Variants in KIF18A observed in about 807,000 individuals in gnomAD.
The protein encoded by KIF18A is kinesin family member 18A, also known as kinesin-like protein KIF18A.
A neutral mutation model predicts 103.3 loss-of-function variants in KIF18A; 67 were observed. The ratio of observed to expected loss-of-function variants is 0.65; its 90% CI spans 0.53 to 0.79. The LOEUF is 0.79. Among genes scored for constraint, KIF18A ranks in the 30% least tolerant of loss-of-function variants. The pLI is 0.00. For missense variants in KIF18A, 1,032 were observed against 1,062.5 expected, an observed-to-expected ratio of 0.97 and a Z score of 0.40; for synonymous variants, 367 against 355.5, an observed-to-expected ratio of 1.03 and a Z score of -0.36.
chr11:28,031,358 AAG>A (rs1850403979), intron 15 of KIF18A, among the ~76,000 whole-genome samples: 2 of 152,288 alleles, frequency 1.3e-5, no homozygotes, highest in Non-Finnish European at 1.5e-5. Context: ...AGCCATAAAA[AAG>A]GATGAGTTCA....
At position 28,084,750 on chromosome 11, in the gene KIF18A, G is replaced by C; in HGVS notation, c.956C>G (p.Ser319Cys). The change falls in exon 7 of 17, where the codon TCT becomes TGT. Residue 319 changes from serine to cysteine, a missense_variant. Transcript: ENST00000263181. ...TATAGTTTGACAGTTTCCTCCAAGA[G>C]AATCCTTTAACAAGCGAGTAAGCTT... Reference protein sequence around the residue: ...NSKLTRLLKDSLGGNCQTIMI... With the variant: ...NSKLTRLLKDCLGGNCQTIMI... The C allele has an allele frequency of 6.2e-7, 1 of 1,613,002 alleles. No homozygotes were observed.
intron 10 of KIF18A, among the ~76,000 whole-genome samples, chr11:28,073,338 A>G (rs972359182): frequency 3.3e-5 from 5 of 152,056 alleles, no homozygotes; most frequent in African/African-American, 1.2e-4. Context: ...TTGTTGGACA[A>G]TATGTATAGA....
intron 16 of KIF18A, 31 bp from the exon 17 acceptor site, chr11:28,021,313 T>C: frequency 7.5e-7 from 1 of 1,342,162 alleles, no homozygotes; most frequent in Non-Finnish European, 9.7e-7. Context: ...TGCATAAATA[T>C]GGCATAAATA....
At chr11:28,021,775 A>G (rs1850249008) in intron 16 of KIF18A, among the ~76,000 whole-genome samples, 1 of 152,088 alleles carries the variant, frequency 6.6e-6, no homozygotes, top group Admixed American at 6.5e-5. Context: ...CCTCTCAAGT[A>G]TGTTCTATTT....
chr11:28,021,482 T>G (rs1247878153), intron 16 of KIF18A, among the ~76,000 whole-genome samples, 200 bp from the exon 17 acceptor site: 2 of 152,212 alleles, frequency 1.3e-5, no homozygotes, highest in African/African-American at 4.8e-5. Context: ...AAATTCATAT[T>G]GCAAACTAAA....
chr11:28,082,077 G>C (rs997417310), intron 9 of KIF18A, among the ~76,000 whole-genome samples: 8 of 152,094 alleles, frequency 5.3e-5, no homozygotes, highest in Admixed American at 2.6e-4. Flanking sequence ...TTGAAGAAAT[G>C]AAGAGCTGCT....
intron 9 of KIF18A, 88 bp downstream of exon 9, chr11:28,082,768 G>T (rs1016366615): frequency 5.4e-6 from 4 of 738,610 alleles, no homozygotes; most frequent in African/African-American, 5.4e-5. Context: ...ACATATAAAA[G>T]ACATAACAAA....
intron 15 of KIF18A, among the ~76,000 whole-genome samples, chr11:28,026,366 CCA>C (rs1850321048): frequency 6.6e-6 from 1 of 151,434 alleles, no homozygotes; most frequent in South Asian, 2.1e-4. Flanking sequence ...ATGGAAAATA[CCA>C]CAGTTTATTA....
chr11:28,028,544 T>C (rs879612820), intron 15 of KIF18A, among the ~76,000 whole-genome samples: 3 of 151,402 alleles, frequency 2.0e-5, no homozygotes, highest in Admixed American at 1.3e-4. Context: ...TAGAGGGAAA[T>C]TTATAGCAGT....
intron 6 of KIF18A, among the ~76,000 whole-genome samples, chr11:28,087,499 T>G (rs1459876473): frequency 1.3e-5 from 2 of 152,222 alleles, no homozygotes; most frequent in Non-Finnish European, 2.9e-5. Flanking sequence ...GATGGGCATT[T>G]GGGTTGGTTT....
chr11:28,051,465 G>GA (rs1193969611), intron 13 of KIF18A, among the ~76,000 whole-genome samples: 1 of 151,750 alleles, frequency 6.6e-6, no homozygotes, highest in East Asian at 1.9e-4. Context: ...AGTCTCCTTG[G>GA]AAAAAATAAA....
intron 11 of KIF18A, among the ~76,000 whole-genome samples, chr11:28,068,712 T>A (rs1850970087): frequency 6.6e-6 from 1 of 152,120 alleles, no homozygotes; most frequent in Admixed American, 6.6e-5. Flanking sequence ...ATAATGACAT[T>A]TTAAAGGTAC....
chr11:28,079,763 A>G (rs944659557), intron 9 of KIF18A, among the ~76,000 whole-genome samples: 1 of 63,870 alleles, frequency 1.6e-5, no homozygotes, highest in African/African-American at 6.2e-5. Context: ...TTCCTTATGG[A>G]GTAATTTCCA....
chr11:28,078,398 T>G (rs1851122615), intron 9 of KIF18A, among the ~76,000 whole-genome samples: 1 of 152,164 alleles, frequency 6.6e-6, no homozygotes, highest in East Asian at 1.9e-4. Flanking sequence ...AATTTCTTAG[T>G]TTTTCTATAA....
At chr11:28,071,484 TTTA>T (rs1355634407) in intron 10 of KIF18A, among the ~76,000 whole-genome samples, 25 of 149,032 alleles carry the variant, frequency 1.7e-4, no homozygotes, top group Admixed American at 6.0e-4. Flanking sequence ...TTTATTGCTA[TTTA>T]TTATATTTTA....
Position 28,084,823 on chromosome 11 carries a change from A to T in KIF18A, c.898-15T>A, listed in dbSNP as rs1202922597. 1.3e-6 allele frequency: 2 copies of T among 1,598,966 alleles called. No homozygotes were observed. The highest frequency in any genetic ancestry group is 4.5e-5 in the East Asian group (2 of 44,642). ...TGATTCTTTCTCTGAAAGCACAAAA[A>T]AGAGATCTTATGTCATTTTCCACAT... On this transcript the variant is annotated splice_polypyrimidine_tract_variant and intron_variant, in intron 6 of 16. Transcript: ENST00000263181.
chr11:28,099,196 GAAT>G (rs1851415558), intron 1 of KIF18A, among the ~76,000 whole-genome samples: 4 of 152,150 alleles, frequency 2.6e-5, no homozygotes, highest in Non-Finnish European at 5.9e-5. Flanking sequence ...CGACATGAAT[GAAT>G]CTAGGGGGCA....
intron 10 of KIF18A, among the ~76,000 whole-genome samples, chr11:28,073,437 A>T (rs1851048260): frequency 6.6e-6 from 1 of 152,116 alleles, no homozygotes; most frequent in Non-Finnish European, 1.5e-5. Context: ...CTGAATAGCT[A>T]TAGCATTCAC....
In KIF18A at chr11:28,035,422, C is replaced by T; in HGVS notation, c.2469G>A (p.Met823Ile). 6.2e-7 allele frequency: 1 copy of T among 1,601,888 alleles called. No individual in the cohort carries two copies. The highest frequency in any genetic ancestry group is 8.5e-7 in the Non-Finnish European group (1 of 1,173,058). Residue 823 changes from methionine (M) to isoleucine (I), a missense_variant, in exon 15 of 17, where the codon ATG becomes ATA. Transcript: ENST00000263181. ...TCCGTTTCCTTTTGGCAGCAGTAGT[C>T]ATTGCCATGTAGGATGGCACCATGC... ...VPSMVPSYMA[M>I]TTAAKRKRKL...
Sources: gnomAD v4.1 joint callset for allele counts (sites outside exome capture counted in the v4.1 genomes callset) on GRCh38, gnomAD v4.1.1 for gene constraint, MANE v1.5 for transcripts, NCBI Gene and HGNC (gene_info 2026-07-23, HGNC 2026-07-21) for gene names.